RGS22: variants seen among roughly 807,000 people sequenced by gnomAD.
The protein encoded by RGS22 is regulator of G-protein signaling 22.
In RGS22, 148 loss-of-function variants were observed where a neutral mutation model predicts 172.9. That is an observed-to-expected ratio of 0.86 (90% confidence interval 0.75 to 0.98). The LOEUF is 0.98. RGS22 is among the 50% of genes least tolerant of loss of function. The probability of loss-of-function intolerance (pLI) is 0.00; values close to 1 mark genes in which losing one functional copy is unlikely to be tolerated. For synonymous variants in RGS22, 458 were observed against 480.2 expected, an observed-to-expected ratio of 0.95 and a Z score of 0.60; for missense variants, 1,347 against 1,440.8, an observed-to-expected ratio of 0.93 and a Z score of 1.05.
chr8:100,002,511 T>G, intron 17 of RGS22, 147 bp from the exon 18 acceptor site: 3 of 647,306 alleles, frequency 4.6e-6, no homozygotes, highest in Non-Finnish European at 7.5e-6. Flanking sequence ...CCCAATATTG[T>G]ATCTCTGATC....
At chr8:100,033,252 CA>C (rs531628392) in intron 14 of RGS22, among the ~76,000 whole-genome samples, 17 of 151,998 alleles carry the variant, frequency 1.1e-4, no homozygotes, top group African/African-American at 4.1e-4. Flanking sequence ...AAAAGATCAA[CA>C]AAATTGATAG....
chr8:100,074,632 T>TA (rs2042968103), intron 4 of RGS22, among the ~76,000 whole-genome samples: 1 of 152,264 alleles, frequency 6.6e-6, no homozygotes, highest in African/African-American at 2.4e-5. Context: ...TATTCCACTG[T>TA]ATGGATATAC....
chr8:100,017,738 C>T (rs542646352), intron 14 of RGS22, among the ~76,000 whole-genome samples: 215 of 152,040 alleles, frequency 1.4e-3, no homozygotes, highest in African/African-American at 4.7e-3. Flanking sequence ...TAAGATGAAA[C>T]GTAAAGATTA....
chr8:100,097,958 C>T (rs868746072), intron 2 of RGS22, among the ~76,000 whole-genome samples: 1 of 152,236 alleles, frequency 6.6e-6, no homozygotes, highest in African/African-American at 2.4e-5. Flanking sequence ...CTCCTGCCCA[C>T]TGTCCAGCCT....
At chr8:100,010,019 A>C (rs1292965517) in intron 14 of RGS22, among the ~76,000 whole-genome samples, 4 of 152,188 alleles carry the variant, frequency 2.6e-5, no homozygotes, top group Admixed American at 6.5e-5. Context: ...GATTCTTTTA[A>C]GCTCATCTCC....
At chr8:100,055,381 C>T (rs1822137068) in intron 9 of RGS22, among the ~76,000 whole-genome samples, 1 of 152,136 alleles carries the variant, frequency 6.6e-6, no homozygotes, top group Non-Finnish European at 1.5e-5. Context: ...TTGTCCGAGA[C>T]CATCCAGGAG....
chr8:99,970,431 A>G (rs1811212269), intron 23 of RGS22, among the ~76,000 whole-genome samples: 1 of 152,224 alleles, frequency 6.6e-6, no homozygotes, highest in Admixed American at 6.5e-5. Flanking sequence ...TCAAAAAATC[A>G]ATGAATCCAG....
intron 17 of RGS22, among the ~76,000 whole-genome samples, chr8:100,002,739 T>A (rs1006693817): frequency 6.6e-6 from 1 of 152,180 alleles, no homozygotes; most frequent in Non-Finnish European, 1.5e-5. Context: ...AATCCTCATC[T>A]TGATGGGTAC....
intron 22 of RGS22, among the ~76,000 whole-genome samples, chr8:99,978,611 T>G (rs1812227896): frequency 6.6e-6 from 1 of 152,218 alleles, no homozygotes; most frequent in African/African-American, 2.4e-5. Context: ...TACTTTTATG[T>G]GAGAGCAAGA....
chr8:100,067,397 A>G (rs2131819740), intron 6 of RGS22, among the ~76,000 whole-genome samples: 1 of 152,254 alleles, frequency 6.6e-6, no homozygotes, highest in East Asian at 1.9e-4. Context: ...ATTATTAATT[A>G]TACATTCATC....
chr8:99,976,632 A>AT (rs1811984130), intron 23 of RGS22, among the ~76,000 whole-genome samples: 1 of 152,212 alleles, frequency 6.6e-6, no homozygotes. Flanking sequence ...AAGTGCTGGG[A>AT]TTACAGGCGT....
chr8:100,022,770 G>A (rs1344844385), intron 14 of RGS22, among the ~76,000 whole-genome samples: 1 of 151,774 alleles, frequency 6.6e-6, no homozygotes, highest in African/African-American at 2.4e-5. Flanking sequence ...TTTTTAAATA[G>A]GGTCTCACTA....
At chr8:100,088,054 A>G (rs1234447958) in intron 3 of RGS22, among the ~76,000 whole-genome samples, 1 of 152,072 alleles carries the variant, frequency 6.6e-6, no homozygotes, top group Non-Finnish European at 1.5e-5. Context: ...GAGAAGACCC[A>G]AACCCTTCAT....
chr8:100,037,252 C>T (rs188861396), intron 14 of RGS22, among the ~76,000 whole-genome samples: 88 of 152,272 alleles, frequency 5.8e-4, no homozygotes, highest in Admixed American at 4.5e-3. Flanking sequence ...TATGATCCCT[C>T]CACTGCACTC....
chr8:100,023,316 C>G (rs1053209558), intron 14 of RGS22, among the ~76,000 whole-genome samples: 6 of 152,220 alleles, frequency 3.9e-5, no homozygotes, highest in African/African-American at 1.4e-4. Context: ...AAGGAGCAGA[C>G]AGCTTAGGAC....
intron 11 of RGS22, among the ~76,000 whole-genome samples, chr8:100,046,810 GTTTTTTGT>G (rs573153428): frequency 1.3e-5 from 2 of 151,146 alleles, no homozygotes; most frequent in African/African-American, 4.9e-5. Flanking sequence ...CCTTCATACC[GTTTTTTGT>G]TTTTTTGTTT....
chr8:100,060,400 GTGTA>G (rs1325535815), intron 9 of RGS22, among the ~76,000 whole-genome samples: 3 of 63,922 alleles, frequency 4.7e-5, no homozygotes, highest in South Asian at 6.0e-4. Flanking sequence ...CTTTAGCTAC[GTGTA>G]TATATATATA....
chr8:100,003,840 A>G (rs1815373372), intron 17 of RGS22, 86 bp downstream of exon 17: 1 of 1,183,650 alleles, frequency 8.4e-7, no homozygotes, highest in African/African-American at 1.6e-5. Flanking sequence ...CTGTTATAGC[A>G]CCAAATCACT....
chr8:99,992,182 T>C (rs563444900), intron 20 of RGS22, among the ~76,000 whole-genome samples: 2 of 152,232 alleles, frequency 1.3e-5, no homozygotes, highest in Admixed American at 6.5e-5. Context: ...TAAAGACCAT[T>C]AATGCTATGA....
Sources: allele counts gnomAD v4.1 joint callset (sites outside exome capture counted in the v4.1 genomes callset), GRCh38; gene constraint gnomAD v4.1.1; transcripts MANE v1.5; gene names NCBI Gene and HGNC (gene_info 2026-07-23, HGNC 2026-07-21).